The following SCUBE1 variants were observed in gnomAD, a reference collection of about 807,000 sequenced individuals.
SCUBE1 encodes the protein signal peptide, CUB and EGF-like domain-containing protein 1.
Under a neutral mutation model 124.4 loss-of-function variants are expected in SCUBE1, and 59 were observed. The ratio of observed to expected loss-of-function variants is 0.47; its 90% confidence interval spans 0.38 to 0.59. The LOEUF is 0.59. Ranked by LOEUF, SCUBE1 falls within the 20% of genes least tolerant of loss-of-function variation. The pLI, the probability that SCUBE1 is intolerant of heterozygous loss-of-function variation, is 0.00. For missense variants in SCUBE1, 1,150 were observed against 1,371.2 expected (o/e 0.84, Z 2.55); for synonymous variants, 545 against 550.9 (o/e 0.99, Z 0.15).
intron 6 of SCUBE1, among the ~76,000 whole-genome samples, chr22:43,253,260 T>G (rs1330735154): frequency 6.6e-6 from 1 of 152,218 alleles, no homozygotes; most frequent in Non-Finnish European, 1.5e-5. Context: ...CCCCACAGGC[T>G]GTTCTTAGAG....
chr22:43,209,443 C>G (rs1921443691), intron 19 of SCUBE1, among the ~76,000 whole-genome samples: 1 of 152,220 alleles, frequency 6.6e-6, no homozygotes, highest in Admixed American at 6.5e-5. Flanking sequence ...GCTGCTGTGG[C>G]CAGCTGGGCA....
intron 10 of SCUBE1, among the ~76,000 whole-genome samples, chr22:43,224,252 G>C (rs577541159): frequency 6.6e-6 from 1 of 152,178 alleles, no homozygotes; most frequent in Non-Finnish European, 1.5e-5. Context: ...CTTTCTGCGA[G>C]GGCACCGTGT....
chr22:43,268,080 G>T (rs1166891083), intron 4 of SCUBE1, among the ~76,000 whole-genome samples: 1 of 152,212 alleles, frequency 6.6e-6, no homozygotes, highest in Non-Finnish European at 1.5e-5. Context: ...AGCCAGCCAG[G>T]TCCATGCAGC....
At chr22:43,248,874 C>T (rs1923324546) in intron 6 of SCUBE1, among the ~76,000 whole-genome samples, 1 of 152,204 alleles carries the variant, frequency 6.6e-6, no homozygotes, top group African/African-American at 2.4e-5. Context: ...CCCATCCATC[C>T]CCGGGCACCT....
At chr22:43,339,594 C>T (rs950618827) in intron 1 of SCUBE1, among the ~76,000 whole-genome samples, 2 of 150,318 alleles carry the variant, frequency 1.3e-5, no homozygotes, top group African/African-American at 5.0e-5. Flanking sequence ...CTCCAGCCCT[C>T]CCCTACTCTC....
intron 2 of SCUBE1, among the ~76,000 whole-genome samples, chr22:43,325,473 T>G (rs1404600795): frequency 4.1e-5 from 6 of 146,518 alleles, no homozygotes; most frequent in Non-Finnish European, 9.0e-5. Flanking sequence ...AAAAAAGTGT[T>G]TCATGCTCCA....
intron 7 of SCUBE1, among the ~76,000 whole-genome samples, chr22:43,233,848 A>T (rs1337762523): frequency 6.6e-6 from 1 of 152,002 alleles, no homozygotes; most frequent in Non-Finnish European, 1.5e-5. Context: ...TCTGGTCAAG[A>T]ATATTAGAGG....
At position 43,210,428 on chromosome 22, in the gene SCUBE1, G is replaced by A. The variant is rs1401396846; in HGVS notation, c.2384-188C>T. Among the ~76,000 whole-genome samples, 2 of 152,120 alleles carry A rather than the reference G, an allele frequency of 1.3e-5. No homozygotes were observed. The highest frequency in any genetic ancestry group is 2.9e-5 in the Non-Finnish European group (2 of 68,002). ...TGCCTGGGCTGCCCCCAGAGCAGGAGGGCAGGTCCCCTGTTCAGGCCTGTG... is the reference window on the plus strand; with the variant it reads ...TGCCTGGGCTGCCCCCAGAGCAGGAAGGCAGGTCCCCTGTTCAGGCCTGTG... On this transcript the variant is annotated intron_variant, in intron 18 of 21. Coordinates refer to ENST00000360835, the MANE Select transcript of SCUBE1 (RefSeq NM_173050.5). This position sits in a 1 kb window ranked among gnomAD's most constrained non-coding sequence, Gnocchi z 4.5.
chr22:43,338,810 T>C (rs1394246480), intron 2 of SCUBE1, among the ~76,000 whole-genome samples: 1 of 152,190 alleles, frequency 6.6e-6, no homozygotes, highest in African/African-American at 2.4e-5. Context: ...AGTGCTGGGA[T>C]TACAGACGTG....
intron 6 of SCUBE1, among the ~76,000 whole-genome samples, chr22:43,240,800 C>T (rs1354428372): frequency 6.6e-6 from 1 of 152,172 alleles, no homozygotes; most frequent in African/African-American, 2.4e-5. Context: ...CTGCCTCCCA[C>T]GCCCGAATCC....
intron 3 of SCUBE1, among the ~76,000 whole-genome samples, chr22:43,301,995 A>G (rs985340267): frequency 6.6e-6 from 1 of 152,200 alleles, no homozygotes; most frequent in African/African-American, 2.4e-5. Flanking sequence ...GGACCTGCTC[A>G]AGGAAGCAGC....
chr22:43,262,074 T>C (rs1349461954), intron 5 of SCUBE1, among the ~76,000 whole-genome samples: 2 of 152,234 alleles, frequency 1.3e-5, no homozygotes, highest in African/African-American at 4.8e-5. Context: ...TGAAATGGTG[T>C]CTTTGGCCAG....
intron 4 of SCUBE1, among the ~76,000 whole-genome samples, chr22:43,289,539 G>A (rs1366911996): frequency 6.6e-6 from 1 of 152,234 alleles, no homozygotes; most frequent in African/African-American, 2.4e-5. Context: ...GAGCCTGTTC[G>A]AGTATTTCCA....
At chr22:43,284,672 A>G (rs1925060016) in intron 4 of SCUBE1, among the ~76,000 whole-genome samples, 1 of 152,244 alleles carries the variant, frequency 6.6e-6, no homozygotes, top group African/African-American at 2.4e-5. Context: ...GTAAGGACGC[A>G]ATGAATGGAA....
At chr22:43,208,255 ACAGGTAGG>A in intron 19 of SCUBE1, 31 bp from the exon 20 acceptor site, 1 of 1,609,624 alleles carries the variant, frequency 6.2e-7, no homozygotes, top group South Asian at 1.1e-5. Flanking sequence ...CTGAGCTGCC[ACAGGTAGG>A]CAGCTCCTCC....
At chr22:43,240,826 C>A (rs1922976605) in intron 6 of SCUBE1, among the ~76,000 whole-genome samples, 1 of 152,168 alleles carries the variant, frequency 6.6e-6, no homozygotes, top group African/African-American at 2.4e-5. Flanking sequence ...CCAATGTGCT[C>A]CCCTCCTGCC....
intron 4 of SCUBE1, among the ~76,000 whole-genome samples, chr22:43,264,160 C>T (rs916762793): frequency 3.3e-5 from 5 of 152,210 alleles, no homozygotes; most frequent in African/African-American, 1.2e-4. Flanking sequence ...CAAGCTGAGA[C>T]AAGCCAGCCA....
Position 43,211,509 on chromosome 22 carries a change from G to A in SCUBE1, c.2222-426C>T, listed in dbSNP as rs546304480. Among the ~76,000 whole-genome samples, 1 of 151,492 alleles carries A rather than the reference G, an allele frequency of 6.6e-6. No homozygotes were observed. Among genetic ancestry groups the A allele is most frequent in the East Asian group, 1.9e-4 (1 of 5,152 alleles). ...AGGGGTGCCGGGGCGGGGGGCTAGA[G>A]ATGGGCAATTCTTTTTTTTTTTTTT... On this transcript the variant is annotated intron_variant, in intron 17 of 21. Coordinates refer to ENST00000360835, the MANE Select transcript of SCUBE1 (RefSeq NM_173050.5). The surrounding 1 kb of genome is among the most constrained non-coding windows in gnomAD (Gnocchi z 4.5).
intron 21 of SCUBE1, among the ~76,000 whole-genome samples, chr22:43,204,608 T>G (rs1921144720): frequency 1.3e-5 from 2 of 150,304 alleles, no homozygotes; most frequent in Non-Finnish European, 3.0e-5. Flanking sequence ...CCGTAACTGG[T>G]TTTTAAATAG....
Sources: gnomAD v4.1 joint callset for allele counts (sites outside exome capture counted in the v4.1 genomes callset) on GRCh38, gnomAD v4.1.1 for gene constraint, Gnocchi (gnomAD v3.1) non-coding constraint, MANE v1.5 for transcripts, NCBI Gene and HGNC (gene_info 2026-07-23, HGNC 2026-07-21) for gene names.